IGF2BP2: variants seen among roughly 807,000 people sequenced by gnomAD.
IGF2BP2 encodes the protein insulin like growth factor 2 mRNA binding protein 2.
Under a neutral mutation model 75.8 loss-of-function variants are expected in IGF2BP2, and 17 were observed. The ratio of observed to expected loss-of-function variants is 0.22; its 90% CI spans 0.15 to 0.34. IGF2BP2 has a LOEUF of 0.34. Ranked by LOEUF, IGF2BP2 falls within the 10% of genes least tolerant of loss-of-function variation. The probability of loss-of-function intolerance (pLI) is 1.00; values close to 1 mark genes in which losing one functional copy is unlikely to be tolerated. For synonymous variants in IGF2BP2, 288 were observed against 295.6 expected (o/e 0.97, Z 0.26); for missense variants, 516 against 772.4 (o/e 0.67, Z 3.93).
chr3:185,746,284 G>A (rs1008500788), intron 2 of IGF2BP2, among the ~76,000 whole-genome samples: 1 of 152,136 alleles, frequency 6.6e-6, no homozygotes, highest in African/African-American at 2.4e-5. Flanking sequence ...GATAGGAAGT[G>A]ATGTCCCAGC....
At chr3:185,790,613 ATTG>A (rs1297202638) in intron 2 of IGF2BP2, among the ~76,000 whole-genome samples, 1 of 152,188 alleles carries the variant, frequency 6.6e-6, no homozygotes, top group African/African-American at 2.4e-5. Flanking sequence ...CCTTCCTAAA[ATTG>A]TTTTTTCCGT....
chr3:185,824,793 C>T lies in IGF2BP2; in HGVS notation c.168G>A (p.Glu56=), dbSNP rs757420056. The change falls in exon 1 of 16, where the codon GAG becomes GAA. Residue 56 remains glutamate, a synonymous_variant. Transcript: ENST00000382199. ...GCGCTGAGTGCTCACCCGAGAGGGTCTCGATGGCGCGGATGGCCCAGTTCT... is the reference window on the plus strand; with the variant it reads ...GCGCTGAGTGCTCACCCGAGAGGGTTTCGATGGCGCGGATGGCCCAGTTCT... ...PDQNWAIRAI[E]TLSGKVELHG... 2 of 1,427,758 alleles carry T rather than the reference C, an allele frequency of 1.4e-6. No individual in the cohort carries two copies. The highest frequency in any genetic ancestry group is 2.3e-5 in the Admixed American group (1 of 42,598). The allele number at this position is 1,427,758 out of a possible 1,614,324, so 88.4% of individuals were successfully genotyped here.
chr3:185,690,908 T>C (rs965930159), intron 5 of IGF2BP2, among the ~76,000 whole-genome samples: 24 of 152,324 alleles, frequency 1.6e-4, no homozygotes, highest in Admixed American at 1.2e-3. Flanking sequence ...ACTAGGTTAA[T>C]GTCTAGGACT....
chr3:185,794,425 T>G (rs1737064986), intron 2 of IGF2BP2, among the ~76,000 whole-genome samples: 1 of 72,622 alleles, frequency 1.4e-5, no homozygotes, highest in Admixed American at 1.1e-4. Context: ...TCAACTAACT[T>G]ACATCCTCGC....
chr3:185,755,619 A>T (rs1731519411), intron 2 of IGF2BP2, among the ~76,000 whole-genome samples: 1 of 152,224 alleles, frequency 6.6e-6, no homozygotes. Flanking sequence ...AGGGCTGCCC[A>T]AGGCCTTGGG....
intron 2 of IGF2BP2, among the ~76,000 whole-genome samples, chr3:185,762,366 T>TTAA (rs1335493418): frequency 1.9e-5 from 2 of 105,460 alleles, no homozygotes; most frequent in East Asian, 2.8e-4. Flanking sequence ...AGGCTTTACT[T>TTAA]AAAAAAAAAA....
intron 2 of IGF2BP2, among the ~76,000 whole-genome samples, chr3:185,745,442 T>C (rs1364251520): frequency 2.0e-5 from 3 of 152,150 alleles, no homozygotes; most frequent in African/African-American, 7.2e-5. Context: ...AAATATTTAC[T>C]GAACAAAACT....
intron 2 of IGF2BP2, among the ~76,000 whole-genome samples, chr3:185,734,453 A>G (rs972698991): frequency 4.7e-5 from 7 of 149,640 alleles, no homozygotes; most frequent in Non-Finnish European, 1.1e-4. Flanking sequence ...AAATTCCACA[A>G]TCGTTCAGCG....
At chr3:185,646,209 C>T (rs1022031661) in intron 15 of IGF2BP2, among the ~76,000 whole-genome samples, 3 of 152,078 alleles carry the variant, frequency 2.0e-5, no homozygotes, top group African/African-American at 4.8e-5. Flanking sequence ...CAGACAGGGG[C>T]GTGGCCAGGG....
At chr3:185,700,352 GTCTA>G (rs1314472455) in intron 2 of IGF2BP2, among the ~76,000 whole-genome samples, 4 of 152,164 alleles carry the variant, frequency 2.6e-5, no homozygotes, top group South Asian at 2.1e-4. Context: ...CTTCAGTCTT[GTCTA>G]TCTTTTTTTA....
At chr3:185,648,943 T>A (rs1714085380) in intron 14 of IGF2BP2, among the ~76,000 whole-genome samples, 1 of 149,790 alleles carries the variant, frequency 6.7e-6, no homozygotes, top group Non-Finnish European at 1.5e-5. Flanking sequence ...CAGAAGAGAG[T>A]GCAGGGCACA....
chr3:185,808,085 G>T (rs1471748843), intron 2 of IGF2BP2, among the ~76,000 whole-genome samples: 2 of 148,022 alleles, frequency 1.4e-5, no homozygotes, highest in Non-Finnish European at 3.0e-5. Context: ...TTCGAGTCCA[G>T]CCTGGACAAG....
In IGF2BP2 at chr3:185,644,797, G is replaced by C. The variant is rs1306328333; in HGVS notation, c.*734C>G. ...AGCTAGACAGGCATGAGGAGTGACAGAGTTTCCTCTTCAAGGAGACGGTAT... is the reference window on the plus strand; with the variant it reads ...AGCTAGACAGGCATGAGGAGTGACACAGTTTCCTCTTCAAGGAGACGGTAT... On this transcript the variant is annotated 3_prime_UTR_variant, in exon 16 of 16. Coordinates refer to ENST00000382199, the MANE Select transcript of IGF2BP2 (RefSeq NM_006548.6). The C allele has an allele frequency of 6.6e-6, 1 of 152,652 alleles. No individual in the cohort carries two copies. The highest frequency in any genetic ancestry group is 2.4e-5 in the African/African-American group (1 of 41,454). The allele number at this position is 152,652 out of a possible 1,614,324, so 9.5% of individuals were successfully genotyped here. A position where few individuals can be genotyped will look rare whatever the true frequency, so the allele number is the denominator to read the frequency against.
chr3:185,789,512 G>A (rs2149848879), intron 2 of IGF2BP2, among the ~76,000 whole-genome samples: 1 of 152,210 alleles, frequency 6.6e-6, no homozygotes, highest in East Asian at 1.9e-4. Context: ...AAGCCCACCA[G>A]CAGCAAGACA....
chr3:185,821,287 C>G (rs956000885), intron 2 of IGF2BP2, among the ~76,000 whole-genome samples: 1 of 152,294 alleles, frequency 6.6e-6, no homozygotes, highest in Middle Eastern at 3.4e-3. Flanking sequence ...TCATACACAG[C>G]GCATTTTAAT....
rs1207325182 is a variant in IGF2BP2 at position 185,645,612 on chromosome 3, G to C, written c.1719C>G (p.Arg573=). The change falls in exon 16 of 16, where the codon CGC becomes CGG. Residue 573 remains arginine, a synonymous_variant. Transcript: ENST00000382199. This position sits in a 1 kb window ranked among gnomAD's most constrained non-coding sequence, Gnocchi z 4.9. ...GHFFASQTAQ[R]KIREIVQQVK... is the part of the protein sequence containing the mutation. ...CCTGTTGTACAATTTCCCTGATCTT[G>C]CGCTGTGCAGTCTGCAGCAAGGGAG... 2 of 1,613,570 alleles carry C rather than the reference G, an allele frequency of 1.2e-6. No homozygotes were observed. The highest frequency in any genetic ancestry group is 2.2e-5 in the East Asian group (1 of 44,882).
rs535940458 is a variant in IGF2BP2 at position 185,796,560 on chromosome 3, G to A, written c.239+26593C>T. On this transcript the variant is annotated intron_variant, in intron 2 of 15. Transcript: ENST00000382199. ...AGCCTGGGTGACAGAGTGACATTCC[G>A]TCTCAAAAAAAAAAAAAAAAAAAAA... 5.0e-3 allele frequency among the ~76,000 whole-genome samples: 386 copies of A among 77,198 alleles called. 3 individuals carry two copies. Among genetic ancestry groups the A allele is most frequent in the African/African-American group, 0.027 (368 of 13,832 alleles). The allele number at this position is 77,198 out of a possible 152,430, so 50.6% of individuals were successfully genotyped here. A position where few individuals can be genotyped will look rare whatever the true frequency, so the allele number is the denominator to read the frequency against.
chr3:185,743,418 G>A (rs1729835460), intron 2 of IGF2BP2, among the ~76,000 whole-genome samples: 1 of 152,078 alleles, frequency 6.6e-6, no homozygotes, highest in South Asian at 2.1e-4. Context: ...TGGGATTACA[G>A]GTGCGTGTCA....
chr3:185,672,102 T>G (rs896732108), intron 10 of IGF2BP2, among the ~76,000 whole-genome samples: 1 of 152,208 alleles, frequency 6.6e-6, no homozygotes, highest in African/African-American at 2.4e-5. Flanking sequence ...TGCCTATTAA[T>G]AAGACAATAC....
Sources: allele counts gnomAD v4.1 joint callset (sites outside exome capture counted in the v4.1 genomes callset), GRCh38; gene constraint gnomAD v4.1.1; non-coding constraint Gnocchi (gnomAD v3.1); transcripts MANE v1.5; gene names NCBI Gene and HGNC (gene_info 2026-07-23, HGNC 2026-07-21).